CHD2: variants seen among roughly 807,000 people sequenced by gnomAD.
CHD2 encodes the protein chromodomain helicase DNA binding protein 2, also known as ATP-dependent chromatin remodeler CHD2.
CHD2 carries 28 observed loss-of-function variants against 243.9 expected under a neutral mutation model. The ratio of observed to expected loss-of-function variants is 0.11; its 90% CI spans 0.09 to 0.16. CHD2 has a LOEUF of 0.16. Ranked by LOEUF, CHD2 falls within the 10% of genes least tolerant of loss-of-function variation. CHD2 has a pLI of 1.00. For missense variants in CHD2, 1,386 were observed against 2,209.8 expected, an observed-to-expected ratio of 0.63 and a Z score of 7.47; for synonymous variants, 775 against 779.0, an observed-to-expected ratio of 0.99 and a Z score of 0.09.
chr15:92,927,356 T>C (rs1374406697), intron 4 of CHD2, 26 bp downstream of exon 4: 25 of 1,531,734 alleles, frequency 1.6e-5, no homozygotes, highest in Non-Finnish European at 2.2e-5. Context: ...TTTAAGGGCA[T>C]GCATTTAAAC....
chr15:92,917,465 G>A (rs1339238238), intron 2 of CHD2, among the ~76,000 whole-genome samples: 1 of 152,196 alleles, frequency 6.6e-6, no homozygotes, highest in Non-Finnish European at 1.5e-5. Flanking sequence ...GGAGACTGAG[G>A]CAGGAGAATC....
chr15:93,004,917 G>C (rs924127747), intron 34 of CHD2, among the ~76,000 whole-genome samples, 166 bp downstream of exon 34: 2 of 152,184 alleles, frequency 1.3e-5, no homozygotes, highest in Non-Finnish European at 2.9e-5. Context: ...CAGCAGGCTG[G>C]CAGGAAGAGA....
At chr15:92,943,158 A>G in intron 9 of CHD2, 90 bp downstream of exon 9, 2 of 1,009,598 alleles carry the variant, frequency 2.0e-6, no homozygotes, top group East Asian at 2.6e-5. Flanking sequence ...ACAGCTATCT[A>G]GAATCTCAGA....
chr15:93,025,726 G>A lies in CHD2; in HGVS notation c.*1021G>A, dbSNP rs1253785450. 6.6e-6 allele frequency: 1 copy of A among 152,274 alleles called. No homozygotes were observed. The highest frequency in any genetic ancestry group is 1.9e-4 in the East Asian group (1 of 5,198). The allele number at this position is 152,274 out of a possible 1,614,324, so 9.4% of individuals were successfully genotyped here. A position where few individuals can be genotyped will look rare whatever the true frequency, so the allele number is the denominator to read the frequency against. Reference sequence around the variant, plus strand: ...GGGTCCTGGTGCAGGCAGTGAACAGGCTTCTAATGTGGGGTTCAGTAGTGC... The same window carrying A: ...GGGTCCTGGTGCAGGCAGTGAACAGACTTCTAATGTGGGGTTCAGTAGTGC... On this transcript the variant is annotated 3_prime_UTR_variant, in exon 39 of 39. Transcript: ENST00000394196.
chr15:92,910,908 T>TA (rs2052721733), intron 2 of CHD2, among the ~76,000 whole-genome samples: 1 of 152,170 alleles, frequency 6.6e-6, no homozygotes, highest in Non-Finnish European at 1.5e-5. Context: ...ACTGCACACT[T>TA]ATGCTGTAGC....
At chr15:92,907,530 G>T (rs1274863409) in intron 2 of CHD2, among the ~76,000 whole-genome samples, 1 of 152,164 alleles carries the variant, frequency 6.6e-6, no homozygotes, top group African/African-American at 2.4e-5. Flanking sequence ...ATGCTTAACT[G>T]TTACCTCTGT....
At chr15:93,014,659 G>A in intron 36 of CHD2, 37 bp from the exon 37 acceptor site, 1 of 1,583,272 alleles carries the variant, frequency 6.3e-7, no homozygotes, top group Non-Finnish European at 8.6e-7. Flanking sequence ...ATTAAGCCTG[G>A]GATCTTGAGC....
chr15:92,950,918 T>C (rs918899496), intron 13 of CHD2, among the ~76,000 whole-genome samples: 3 of 152,176 alleles, frequency 2.0e-5, no homozygotes, highest in African/African-American at 7.2e-5. Context: ...TTGTGAAAAT[T>C]AGGTGTCTTG....
chr15:92,996,869 G>C (rs926844664), intron 28 of CHD2, 88 bp from the exon 29 acceptor site: 131 of 1,283,980 alleles, frequency 1.0e-4, no homozygotes, highest in Non-Finnish European at 1.3e-4. Flanking sequence ...TATTCAGAGA[G>C]ACTAAGAGGT....
Position 93,012,423 on chromosome 15 carries a change from GA to G in CHD2, c.4675del (p.Arg1559GlyfsTer14). The G allele has an allele frequency of 6.2e-7, 1 of 1,604,070 alleles. No individual in the cohort carries two copies. The highest frequency in any genetic ancestry group is 8.5e-7 in the Non-Finnish European group (1 of 1,176,508). On this transcript the variant is annotated frameshift_variant, in exon 36 of 39. Transcript: ENST00000394196. LOFTEE classifies it high-confidence loss of function. ...ATAAGTTATACAAGATGGCTCATAA[GA>G]AAAGGTCTCAAGAAGAAGAGGTAAA... Reference protein sequence around the residue: ...LHKLYKMAHKKRSQEEEEQKK... With the variant: ...LHKLYKMAHKXRSQEEEEQKK...
intron 16 of CHD2, among the ~76,000 whole-genome samples, chr15:92,966,066 C>CTTTTTTTTTTTTTTTTTTTTT (rs533059554): frequency 7.5e-6 from 1 of 132,930 alleles, no homozygotes; most frequent in Non-Finnish European, 1.6e-5. Context: ...TTTTTCTTTT[C>CTTTTTTTTTTTTTTTTTTTTT]TTTTTTTTTT....
Position 92,924,307 on chromosome 15 carries a change from T to C in CHD2, c.63-14T>C. The C allele has an allele frequency of 1.2e-6, 2 of 1,607,702 alleles. No individual in the cohort carries two copies. Among genetic ancestry groups the C allele is most frequent in the South Asian group, 1.1e-5 (1 of 90,752 alleles). On this transcript the variant is annotated splice_polypyrimidine_tract_variant and intron_variant, in intron 2 of 38. Transcript: ENST00000394196. ...TCTTAAATATTTTTAAATCTCTCTC[T>C]CTCTCAAAATAAGTCACTCAGCCTC... is the stretch of plus-strand genomic sequence containing the variant.
chr15:93,022,611 A>G (rs2054546783), intron 38 of CHD2, among the ~76,000 whole-genome samples: 1 of 152,160 alleles, frequency 6.6e-6, no homozygotes, highest in Admixed American at 6.5e-5. Context: ...CCACATGCAC[A>G]TCCTAAGCAG....
intron 2 of CHD2, among the ~76,000 whole-genome samples, chr15:92,922,677 C>T (rs377563817): frequency 1.3e-5 from 2 of 152,132 alleles, no homozygotes; most frequent in East Asian, 3.8e-4. Flanking sequence ...GTTAATGTTA[C>T]TGTAGGTTCT....
chr15:93,019,807 G>A (rs2054509855), intron 37 of CHD2, among the ~76,000 whole-genome samples: 1 of 151,954 alleles, frequency 6.6e-6, no homozygotes, highest in Non-Finnish European at 1.5e-5. Context: ...GGTGGCGGGT[G>A]CCTGTAGTCC....
chr15:92,916,851 T>C (rs1319294285), intron 2 of CHD2, among the ~76,000 whole-genome samples: 1 of 152,222 alleles, frequency 6.6e-6, no homozygotes, highest in Non-Finnish European at 1.5e-5. Flanking sequence ...TGCTCCTGGC[T>C]GATTCGTATA....
chr15:92,941,348 G>A (rs950962178), intron 7 of CHD2, among the ~76,000 whole-genome samples: 27 of 151,764 alleles, frequency 1.8e-4, no homozygotes, highest in Admixed American at 1.3e-4. Flanking sequence ...CAGCAGTCTG[G>A]GAATACTTAA....
chr15:92,900,632 GTTT>G lies in CHD2; in HGVS notation c.-258_-256del. 1 of 398,124 alleles carries G rather than the reference GTTT, an allele frequency of 2.5e-6. No homozygotes were observed. The highest frequency in any genetic ancestry group is 3.6e-5 in the East Asian group (1 of 28,068). The allele number at this position is 398,124 out of a possible 1,614,324, so 24.7% of individuals were successfully genotyped here. On this transcript the variant is annotated 5_prime_UTR_variant, in exon 1 of 39. Coordinates refer to ENST00000394196, the MANE Select transcript of CHD2 (RefSeq NM_001271.4). Reference sequence around the variant, plus strand: ...CATTTTTGTGCGCTCTCCTAATGAGGTTTTTTTTCTTTCGGACCTGTTTTAGTA... The same window carrying G: ...CATTTTTGTGCGCTCTCCTAATGAGGTTTTTCTTTCGGACCTGTTTTAGTA...
chr15:93,004,490 AC>A, intron 33 of CHD2, 126 bp from the exon 34 acceptor site: 1 of 877,722 alleles, frequency 1.1e-6, no homozygotes, highest in Non-Finnish European at 1.6e-6. Flanking sequence ...ATTTTATTTT[AC>A]TTTTTAAAAA....
Sources: gnomAD v4.1 joint callset for allele counts (sites outside exome capture counted in the v4.1 genomes callset) on GRCh38, gnomAD v4.1.1 for gene constraint, MANE v1.5 for transcripts, NCBI Gene and HGNC (gene_info 2026-07-23, HGNC 2026-07-21) for gene names.